Variants in MYCBPAP observed in about 807,000 individuals in gnomAD.
MYCBPAP encodes the protein MYCBP-associated protein.
A neutral mutation model predicts 106.1 loss-of-function variants in MYCBPAP; 60 were observed. The observed-to-expected ratio is 0.57, with a 90% CI of 0.46 to 0.70. MYCBPAP has a LOEUF of 0.70. Ranked by LOEUF, MYCBPAP falls within the 30% of genes least tolerant of loss-of-function variation. The probability of loss-of-function intolerance (pLI) is 0.00; values close to 1 mark genes in which losing one functional copy is unlikely to be tolerated. For synonymous variants in MYCBPAP, 407 were observed against 440.6 expected (o/e 0.92, Z 0.95); for missense variants, 1,064 against 1,169.3 (o/e 0.91, Z 1.31).
Position 50,524,981 on chromosome 17 carries a change from C to T in MYCBPAP, c.1740C>T (p.Ala580=). 1 of 1,613,932 alleles carries T rather than the reference C, an allele frequency of 6.2e-7. No homozygotes were observed. The highest frequency in any genetic ancestry group is 8.5e-7 in the Non-Finnish European group (1 of 1,180,010). Residue 580 remains alanine, a synonymous_variant, in exon 13 of 19, where the codon GCC becomes GCT. Coordinates refer to ENST00000323776, the MANE Select transcript of MYCBPAP (RefSeq NM_032133.6). ...AGCGCACACCATCACCTGTGGATGC[C>T]TATCTCACCGAGGAAGACTTGTTCC... The part of the protein sequence containing the change: ...TPERTPSPVD[A]YLTEEDLFRH...
chr17:50,526,416 A>G (rs1287241785), intron 14 of MYCBPAP, 149 bp downstream of exon 14: 2 of 407,650 alleles, frequency 4.9e-6, no homozygotes, highest in Non-Finnish European at 3.8e-6. Context: ...CTATCTATCT[A>G]TTTATTTATT....
At chr17:50,509,319 G>A in intron 1 of MYCBPAP, 1 of 605,876 alleles carries the variant, frequency 1.7e-6, no homozygotes, top group South Asian at 1.8e-5. Flanking sequence ...CCAGCTGGAT[G>A]ACACTTATCC....
chr17:50,525,725 A>C (rs1385254799), intron 13 of MYCBPAP, among the ~76,000 whole-genome samples, 156 bp from the exon 14 acceptor site: 1 of 149,382 alleles, frequency 6.7e-6, no homozygotes, highest in Non-Finnish European at 1.5e-5. Context: ...TCCTGAGTTC[A>C]AGTGATCTTC....
chr17:50,517,777 G>C, intron 4 of MYCBPAP, 79 bp downstream of exon 4: 1 of 1,221,050 alleles, frequency 8.2e-7, no homozygotes, highest in South Asian at 1.2e-5. Flanking sequence ...GTCAAGCAGG[G>C]CTGGGGTTAA....
upstream of MYCBPAP, among the ~76,000 whole-genome samples, chr17:50,507,874 C>G (rs11869474): frequency 0.24 from 36,619 of 152,050 alleles, 4,749 homozygotes; most frequent in African/African-American, 0.33. Flanking sequence ...CCCAGAATGC[C>G]TCAGGGCTCC....
intron 18 of MYCBPAP, chr17:50,530,098 C>T: frequency 2.8e-6 from 1 of 359,696 alleles, no homozygotes; most frequent in Non-Finnish European, 5.6e-6. Flanking sequence ...CTGGTGACAT[C>T]ACTAAGATAT....
chr17:50,524,901 G>C lies in MYCBPAP; in HGVS notation c.1660G>C (p.Val554Leu). The C allele has an allele frequency of 1.9e-6, 3 of 1,613,958 alleles. No homozygotes were observed. The highest frequency in any genetic ancestry group is 2.5e-6 in the Non-Finnish European group (3 of 1,180,008). ...LESKLTAHEA[V>L]TVVREVLQEL... ...GAGCAAGCTGACTGCCCATGAGGCAGTCACCGTCGTTCGCGAAGTGCTGCA... is the reference window on the plus strand; with the variant it reads ...GAGCAAGCTGACTGCCCATGAGGCACTCACCGTCGTTCGCGAAGTGCTGCA... The change falls in exon 13 of 19, where the codon GTC becomes CTC. Residue 554 changes from valine to leucine, a missense_variant. Physicochemically the swap from Val to Leu is conservative, Grantham distance 32. Transcript: ENST00000323776.
At chr17:50,528,398 G>GGCCCCTT in intron 16 of MYCBPAP, 128 bp downstream of exon 16, 1 of 878,974 alleles carries the variant, frequency 1.1e-6, no homozygotes, top group Non-Finnish European at 1.8e-6. Flanking sequence ...CCATGGAGTA[G>GGCCCCTT]GCCCCTTACC....
chr17:50,521,166 C>T lies in MYCBPAP; in HGVS notation c.973C>T (p.Leu325=), dbSNP rs1229558625. The T allele has an allele frequency of 6.2e-7, 1 of 1,613,886 alleles. No individual in the cohort carries two copies. The highest frequency in any genetic ancestry group is 8.5e-7 in the Non-Finnish European group (1 of 1,179,990). ...YRYTWDRSLF[L]IYRRKELQRI... ...CTACACCTGGGATCGGAGTCTGTTT[C>T]TGATCTACCGACGCAAGGAGCTGCA... Residue 325 remains leucine, a synonymous_variant, in exon 8 of 19, where the codon CTG becomes TTG. Coordinates refer to ENST00000323776, the MANE Select transcript of MYCBPAP (RefSeq NM_032133.6).
Position 50,518,523 on chromosome 17 carries a change from C to A in MYCBPAP, c.469-18C>A, listed in dbSNP as rs753985982. 6 of 1,548,076 alleles carry A rather than the reference C, an allele frequency of 3.9e-6. No homozygotes were observed. The Admixed American group carries it at 1.2e-4, about 32-fold the overall frequency. ...AGCCTTCTTACTGCCCTCCACATACCTATGTTGTACTTTTCAGCTGGCTGA... is the reference window on the plus strand; with the variant it reads ...AGCCTTCTTACTGCCCTCCACATACATATGTTGTACTTTTCAGCTGGCTGA... On this transcript the variant is annotated intron_variant, in intron 4 of 18. Coordinates refer to ENST00000323776, the MANE Select transcript of MYCBPAP (RefSeq NM_032133.6).
At chr17:50,517,863 C>T (rs1330226820) in intron 4 of MYCBPAP, among the ~76,000 whole-genome samples, 165 bp downstream of exon 4, 2 of 152,228 alleles carry the variant, frequency 1.3e-5, no homozygotes, top group African/African-American at 2.4e-5. Flanking sequence ...ACACTTCAGG[C>T]AGCTGAAGCT....
intron 9 of MYCBPAP, among the ~76,000 whole-genome samples, 200 bp from the exon 10 acceptor site, chr17:50,521,773 A>G (rs1253605019): frequency 1.3e-5 from 2 of 152,170 alleles, no homozygotes; most frequent in Admixed American, 1.3e-4. Context: ...AAGAGGGCTT[A>G]AAGAGTCTGT....
At chr17:50,508,926 G>T in intron 1 of MYCBPAP, 176 bp downstream of exon 1, 1 of 726,020 alleles carries the variant, frequency 1.4e-6, no homozygotes, top group South Asian at 1.5e-5. Context: ...GGCAGGAAGA[G>T]CCTACAGCGC....
At chr17:50,518,352 C>G (rs1451344900) in intron 4 of MYCBPAP, among the ~76,000 whole-genome samples, 189 bp from the exon 5 acceptor site, 1 of 152,224 alleles carries the variant, frequency 6.6e-6, no homozygotes, top group Admixed American at 6.5e-5. Context: ...GGAGAGTGGA[C>G]TGACAGCTGC....
Position 50,529,043 on chromosome 17 carries a change from A to C in MYCBPAP, c.2579A>C (p.Lys860Thr). The C allele has an allele frequency of 1.2e-6, 2 of 1,614,140 alleles. No individual in the cohort carries two copies. Among genetic ancestry groups the C allele is most frequent in the Non-Finnish European group, 1.7e-6 (2 of 1,180,022 alleles). ...KEDRPNSKKHKAKDDKKVIKS... is the reference protein window; with the variant it reads ...KEDRPNSKKHTAKDDKKVIKS... ...GACCGTCCCAACAGCAAGAAGCACAAGGCAAAGGATGACAAGAAAGTCATA... is the reference window on the plus strand; with the variant it reads ...GACCGTCCCAACAGCAAGAAGCACACGGCAAAGGATGACAAGAAAGTCATA... Residue 860 changes from lysine (K) to threonine (T), a missense_variant, in exon 18 of 19, where the codon AAG (lysine) becomes ACG (threonine). Physicochemically the swap from Lys to Thr is moderately conservative, Grantham distance 78. Transcript: ENST00000323776.
chr17:50,529,036 A>C lies in MYCBPAP; in HGVS notation c.2572A>C (p.Lys858Gln). The C allele has an allele frequency of 6.2e-7, 1 of 1,614,108 alleles. No homozygotes were observed. The highest frequency in any genetic ancestry group is 8.5e-7 in the Non-Finnish European group (1 of 1,179,994). ...LGKEDRPNSKKHKAKDDKKVI... is the reference protein window; with the variant it reads ...LGKEDRPNSKQHKAKDDKKVI... ...CCAGCAGGACCGTCCCAACAGCAAG[A>C]AGCACAAGGCAAAGGATGACAAGAA... The change falls in exon 18 of 19, where the codon AAG (lysine) becomes CAG (glutamine). Residue 858 changes from lysine to glutamine, a missense_variant. Transcript: ENST00000323776.
chr17:50,518,887 T>G, intron 5 of MYCBPAP, 87 bp from the exon 6 acceptor site: 1 of 1,463,446 alleles, frequency 6.8e-7, no homozygotes, highest in South Asian at 1.1e-5. Context: ...AAATCAGCCC[T>G]GTGAGGGAGG....
chr17:50,518,552 G>A lies in MYCBPAP; in HGVS notation c.480G>A (p.Arg160=). The A allele has an allele frequency of 6.3e-7, 1 of 1,579,628 alleles. No homozygotes were observed. The highest frequency in any genetic ancestry group is 8.6e-7 in the Non-Finnish European group (1 of 1,167,080). The change falls in exon 5 of 19, where the codon CGG becomes CGA. Residue 160 remains arginine (R), a synonymous_variant. Coordinates refer to ENST00000323776, the MANE Select transcript of MYCBPAP (RefSeq NM_032133.6). The part of the protein sequence containing the change: ...LARGNTQLAE[R]IPTSPCLMTL... ...GTTGTACTTTTCAGCTGGCTGAGCG[G>A]ATACCTACCTCACCCTGTCTGATGA...
intron 1 of MYCBPAP, among the ~76,000 whole-genome samples, chr17:50,512,410 C>A (rs2033888695): frequency 6.6e-6 from 1 of 152,196 alleles, no homozygotes; most frequent in Non-Finnish European, 1.5e-5. Flanking sequence ...AGCCCTGCCC[C>A]TTGCTTTGCT....
Sources: allele counts gnomAD v4.1 joint callset (sites outside exome capture counted in the v4.1 genomes callset), GRCh38; gene constraint gnomAD v4.1.1; transcripts MANE v1.5; gene names NCBI Gene and HGNC (gene_info 2026-07-23, HGNC 2026-07-21).